The following SLC35E1 variants were observed in gnomAD, a reference collection of about 807,000 sequenced individuals.
The protein encoded by SLC35E1 is solute carrier family 35 member E1, also known as solute carrier family 35, member E1.
Under a neutral mutation model 31.0 loss-of-function variants are expected in SLC35E1, and 12 were observed. The ratio of observed to expected loss-of-function variants is 0.39; its 90% CI spans 0.25 to 0.63. The LOEUF is 0.63. Ranked by LOEUF, SLC35E1 falls within the 20% of genes least tolerant of loss-of-function variation. The pLI is 0.52. For missense variants in SLC35E1, 429 were observed against 572.2 expected (o/e 0.75, Z 2.55); for synonymous variants, 257 against 264.1 (o/e 0.97, Z 0.26).
At chr19:16,571,183 G>A (rs1463696264) in intron 2 of SLC35E1, among the ~76,000 whole-genome samples, 1 of 151,984 alleles carries the variant, frequency 6.6e-6, no homozygotes, top group East Asian at 1.9e-4. Flanking sequence ...CACATGGGGT[G>A]TATGGCCAAG....
intron 4 of SLC35E1, among the ~76,000 whole-genome samples, chr19:16,558,322 G>A (rs78864139): frequency 0.027 from 3,998 of 150,476 alleles, 155 homozygotes; most frequent in Admixed American, 0.084. Context: ...GGGACTACAG[G>A]TGTGAGCCAC....
chr19:16,554,322 T>C (rs905551505), intron 5 of SLC35E1, among the ~76,000 whole-genome samples: 23 of 137,968 alleles, frequency 1.7e-4, no homozygotes, highest in African/African-American at 3.0e-4. Flanking sequence ...GCATAAGTCA[T>C]AGGGCTTGAG....
intron 1 of SLC35E1, 117 bp downstream of exon 1, chr19:16,571,827 C>T: frequency 8.7e-7 from 1 of 1,155,486 alleles, no homozygotes; most frequent in Non-Finnish European, 1.2e-6. Flanking sequence ...CTTGGCAGCC[C>T]CTCTGCTGAC....
intron 4 of SLC35E1, among the ~76,000 whole-genome samples, chr19:16,561,043 A>AC (rs35878366): frequency 0.023 from 3,518 of 150,224 alleles, 129 homozygotes; most frequent in Admixed American, 0.081. Context: ...TCTACTAAAA[A>AC]AAAAAAAAGA....
chr19:16,569,739 G>C (rs768181494), intron 2 of SLC35E1, among the ~76,000 whole-genome samples: 9 of 152,174 alleles, frequency 5.9e-5, no homozygotes, highest in Non-Finnish European at 1.0e-4. Context: ...CCGGCTACTC[G>C]GGAGGCTGAG....
rs2085839156 is a variant in SLC35E1 at position 16,550,390 on chromosome 19, T to C, written c.*3289A>G. On this transcript the variant is annotated 3_prime_UTR_variant, in exon 6 of 6. Transcript: ENST00000595753. ...CAGATGAAAGCGTGGGAGTGGAGCATGTGGGGCGGGCACTGTCCGGCTGGG... is the reference window on the plus strand; with the variant it reads ...CAGATGAAAGCGTGGGAGTGGAGCACGTGGGGCGGGCACTGTCCGGCTGGG... 1 of 152,272 alleles carries C rather than the reference T, an allele frequency of 6.6e-6. No individual in the cohort carries two copies. The highest frequency in any genetic ancestry group is 1.5e-5 in the Non-Finnish European group (1 of 68,178). The allele number at this position is 152,272 out of a possible 1,614,324, so 9.4% of individuals were successfully genotyped here.
chr19:16,555,540 G>T lies in SLC35E1; in HGVS notation c.757-143C>A. 1 of 1,122,540 alleles carries T rather than the reference G, an allele frequency of 8.9e-7. No homozygotes were observed. Among genetic ancestry groups the T allele is most frequent in the Non-Finnish European group, 1.2e-6 (1 of 809,438 alleles). The allele number at this position is 1,122,540 out of a possible 1,614,324, so 69.5% of individuals were successfully genotyped here. ...GTCCACAGGCAGCCAGTCCAGATGT[G>T]TCACCAAGAGACACTAGGTGCTTTA... On this transcript the variant is annotated intron_variant, in intron 4 of 5. Transcript: ENST00000595753. The surrounding 1 kb of genome is among the most constrained non-coding windows in gnomAD (Gnocchi z 4.1).
intron 1 of SLC35E1, 97 bp from the exon 2 acceptor site, chr19:16,571,679 C>G: frequency 7.6e-7 from 1 of 1,321,044 alleles, no homozygotes; most frequent in Non-Finnish European, 1.1e-6. Flanking sequence ...GGCAGCCCCT[C>G]ACACCTCTTC....
rs1364607719 is a variant in SLC35E1, at chr19:16,556,872, C to T, written c.757-1475G>A. 4 of 471,316 alleles carry T rather than the reference C, an allele frequency of 8.5e-6. No individual in the cohort carries two copies. In the Admixed American group the frequency reaches 9.4e-5, roughly 11 times the overall value. 29.2% of individuals were successfully genotyped at this position (471,316 alleles called of 1,614,324 possible). ...CAAGAAGACACGCTTAGGCGACCAG[C>T]TCAATGTCAACCAACTCAAGACTGG... is the stretch of plus-strand genomic sequence containing the variant. On this transcript the variant is annotated intron_variant, in intron 4 of 5. Transcript: ENST00000595753.
At chr19:16,566,840 AC>A (rs1035761211) in intron 3 of SLC35E1, among the ~76,000 whole-genome samples, 183 bp from the exon 4 acceptor site, 1 of 152,372 alleles carries the variant, frequency 6.6e-6, no homozygotes, top group African/African-American at 2.4e-5. Context: ...ACCATGCTCC[AC>A]GCATAAACGA....
rs143809568 is a variant in SLC35E1, at chr19:16,554,776, C to T, written c.1002+376G>A. On this transcript the variant is annotated intron_variant, in intron 5 of 5. Transcript: ENST00000595753. ...GAGGTTGCAGTAAGCTGGGATGGAGCGCCACTGCAATCCAGCCTGGGTGAC... is the reference window on the plus strand; with the variant it reads ...GAGGTTGCAGTAAGCTGGGATGGAGTGCCACTGCAATCCAGCCTGGGTGAC... Among the ~76,000 whole-genome samples the T allele has an allele frequency of 2.1e-3, 304 of 145,228 alleles. 3 individuals carry two copies. The East Asian group carries it at 0.058, about 28-fold the overall frequency.
chr19:16,569,416 A>G (rs2085947072), intron 2 of SLC35E1, among the ~76,000 whole-genome samples: 1 of 152,214 alleles, frequency 6.6e-6, no homozygotes, highest in Non-Finnish European at 1.5e-5. Context: ...CCTAGCACTC[A>G]GTAGGCACTC....
Position 16,555,003 on chromosome 19 carries a change from G to C in SLC35E1, c.1002+149C>G. On this transcript the variant is annotated intron_variant, in intron 5 of 5. Transcript: ENST00000595753. The surrounding 1 kb of genome is among the most constrained non-coding windows in gnomAD (Gnocchi z 4.1). ...TGCAGGAAAAAGGAAGCCAGAGTGG[G>C]ATGGGGCTACGCCAAGATCATAAAC... The C allele has an allele frequency of 8.4e-7, 1 of 1,189,336 alleles. No homozygotes were observed. The highest frequency in any genetic ancestry group is 1.1e-6 in the Non-Finnish European group (1 of 871,292). The allele number at this position is 1,189,336 out of a possible 1,614,324, so 73.7% of individuals were successfully genotyped here.
intron 4 of SLC35E1, among the ~76,000 whole-genome samples, chr19:16,560,180 T>A (rs1360470231): frequency 6.6e-6 from 1 of 152,196 alleles, no homozygotes; most frequent in Non-Finnish European, 1.5e-5. Flanking sequence ...TGTGTGACGC[T>A]CAGGGGCGAG....
Position 16,553,836 on chromosome 19 carries a change from T to C in SLC35E1, c.1076A>G (p.Glu359Gly). ...PVTTADLSSKERHRSPLEKPH... is the reference protein window; with the variant it reads ...PVTTADLSSKGRHRSPLEKPH... ...CTTCTCCAGTGGGCTCCGGTGACGCTCCTTGCTGCTCAGGTCTGCTGTGGT... is the reference window on the plus strand; with the variant it reads ...CTTCTCCAGTGGGCTCCGGTGACGCCCCTTGCTGCTCAGGTCTGCTGTGGT... Residue 359 changes from glutamate (E) to glycine (G), a missense_variant, in exon 6 of 6, where the codon GAG becomes GGG. Transcript: ENST00000595753. The C allele has an allele frequency of 6.2e-7, 1 of 1,613,974 alleles. No individual in the cohort carries two copies.
At chr19:16,563,405 A>G (rs1473129119) in intron 4 of SLC35E1, among the ~76,000 whole-genome samples, 3 of 152,310 alleles carry the variant, frequency 2.0e-5, no homozygotes, top group South Asian at 4.1e-4. Context: ...TATACATGCA[A>G]ATTTGCTTAT....
rs1032091921 is a variant in SLC35E1 at position 16,550,139 on chromosome 19, G to C, written c.*3540C>G. 1.3e-5 allele frequency: 2 copies of C among 152,164 alleles called. No homozygotes were observed. The highest frequency in any genetic ancestry group is 2.9e-5 in the Non-Finnish European group (2 of 68,038). 9.4% of individuals were successfully genotyped at this position (152,164 alleles called of 1,614,324 possible). A position where few individuals can be genotyped will look rare whatever the true frequency, so the allele number is the denominator to read the frequency against. On this transcript the variant is annotated 3_prime_UTR_variant, in exon 6 of 6. Transcript: ENST00000595753. ...CTTGAACGGATCTGGCCCCTTTGTG[G>C]TAGGGGCTTGACTGTTCCTAGAATG...
At position 16,555,425 on chromosome 19, in the gene SLC35E1, A is replaced by T; in HGVS notation, c.757-28T>A. On this transcript the variant is annotated intron_variant, in intron 4 of 5. Transcript: ENST00000595753. The surrounding 1 kb of genome is among the most constrained non-coding windows in gnomAD (Gnocchi z 4.1). ...GCAGAGACCGGAAGGTAAAGACAGC[A>T]CTTCAGTGGGCAGCGGTGACCCTGC... 1.2e-6 allele frequency: 2 copies of T among 1,608,528 alleles called. No individual in the cohort carries two copies. Among genetic ancestry groups the T allele is most frequent in the Non-Finnish European group, 1.7e-6 (2 of 1,177,156 alleles).
At chr19:16,561,236 AAAAAAAAG>A (rs1353848743) in intron 4 of SLC35E1, among the ~76,000 whole-genome samples, 1 of 144,236 alleles carries the variant, frequency 6.9e-6, no homozygotes, top group Non-Finnish European at 1.5e-5. Context: ...AAAAAAAAAA[AAAAAAAAG>A]AAAGAAAAGA....
Sources: gnomAD v4.1 joint callset for allele counts (sites outside exome capture counted in the v4.1 genomes callset) on GRCh38, gnomAD v4.1.1 for gene constraint, Gnocchi (gnomAD v3.1) non-coding constraint, MANE v1.5 for transcripts, NCBI Gene and HGNC (gene_info 2026-07-23, HGNC 2026-07-21) for gene names.